The following CUX1 variants were observed in gnomAD, a reference collection of about 807,000 sequenced individuals.
CUX1 encodes cut like homeobox 1, also known as protein CASP.
In CUX1, 31 loss-of-function variants were observed where a neutral mutation model predicts 158.8. That is an observed-to-expected ratio of 0.20 (90% CI 0.15 to 0.26). The LOEUF (loss-of-function observed/expected upper bound fraction) is 0.26, where lower values mean the gene tolerates loss of function less well. CUX1 is among the 10% of genes least tolerant of loss of function. The probability of loss-of-function intolerance (pLI) is 1.00; values close to 1 mark genes in which losing one functional copy is unlikely to be tolerated. For missense variants in CUX1, 1,589 were observed against 2,014.6 expected (o/e 0.79, Z 4.04); for synonymous variants, 879 against 862.1 (o/e 1.02, Z -0.34).
intron 2 of CUX1, among the ~76,000 whole-genome samples, chr7:101,983,562 A>C (rs1470303235): frequency 6.6e-6 from 1 of 152,234 alleles, no homozygotes; most frequent in Non-Finnish European, 1.5e-5. Flanking sequence ...AAAGAGGTTT[A>C]CTTGGCCCAT....
intron 5 of CUX1, among the ~76,000 whole-genome samples, chr7:102,102,861 G>A (rs942798273): frequency 3.9e-5 from 6 of 152,098 alleles, no homozygotes; most frequent in Non-Finnish European, 7.4e-5. Flanking sequence ...CTGGAGGAGG[G>A]CGCACGTGGA....
intron 22 of CUX1, among the ~76,000 whole-genome samples, chr7:102,235,547 C>A (rs758763263): frequency 1.4e-4 from 22 of 151,982 alleles, no homozygotes; most frequent in Non-Finnish European, 2.5e-4. Context: ...CTGAAAAATA[C>A]AAAAATCAGC....
At chr7:101,897,071 C>G (rs1020547682) in intron 1 of CUX1, among the ~76,000 whole-genome samples, 1 of 152,216 alleles carries the variant, frequency 6.6e-6, no homozygotes, top group Non-Finnish European at 1.5e-5. Context: ...CCCATTTACT[C>G]CCTCTTATTA....
At chr7:101,964,074 G>A (rs1012489487) in intron 2 of CUX1, among the ~76,000 whole-genome samples, 2 of 152,070 alleles carry the variant, frequency 1.3e-5, no homozygotes, top group Admixed American at 6.6e-5. Flanking sequence ...AGGCGGTACC[G>A]GGCACAGTGG....
rs540780806 is a variant in CUX1, at chr7:101,838,796, G to A, written c.30+21127G>A. ...CCAGCTTTGGCAACAAAAGTAAAAC[G>A]CTGTCTCAAAAAAAAAAAATCCACC... On this transcript the variant is annotated intron_variant, in intron 1 of 23. Coordinates refer to ENST00000292535, the MANE Select transcript of CUX1 (RefSeq NM_181552.4). Among the ~76,000 whole-genome samples the A allele has an allele frequency of 9.3e-5, 14 of 150,182 alleles. No homozygotes were observed. In the East Asian group the frequency reaches 2.1e-3, roughly 23 times the overall value.
chr7:102,073,576 CAT>C (rs1292605910), intron 4 of CUX1, among the ~76,000 whole-genome samples: 1 of 152,128 alleles, frequency 6.6e-6, no homozygotes, highest in Non-Finnish European at 1.5e-5. Context: ...CACTTTAAAA[CAT>C]TGCTAGGTTT....
In CUX1 at chr7:102,097,262, C is replaced by T. The variant is rs1368805526; in HGVS notation, c.269-102C>T. ...ATGACTGTGGCCTCTGGGGAGCCCCCGGAGCTGATGTCCCAGGAGCCCCAC... is the reference window on the plus strand; with the variant it reads ...ATGACTGTGGCCTCTGGGGAGCCCCTGGAGCTGATGTCCCAGGAGCCCCAC... On this transcript the variant is annotated intron_variant, in intron 4 of 23. Coordinates refer to ENST00000292535, the MANE Select transcript of CUX1 (RefSeq NM_181552.4). The T allele has an allele frequency of 3.1e-5, 44 of 1,400,228 alleles. No homozygotes were observed. The Middle Eastern group carries it at 1.2e-3, about 39-fold the overall frequency. The allele number at this position is 1,400,228 out of a possible 1,614,324, so 86.7% of individuals were successfully genotyped here.
At chr7:102,130,302 C>T (rs1434545602) in intron 8 of CUX1, among the ~76,000 whole-genome samples, 1 of 152,184 alleles carries the variant, frequency 6.6e-6, no homozygotes, top group Non-Finnish European at 1.5e-5. Flanking sequence ...AAGACTGGGG[C>T]ATTCAACATC....
chr7:102,068,458 T>C (rs1021219734), intron 3 of CUX1, among the ~76,000 whole-genome samples: 8 of 151,358 alleles, frequency 5.3e-5, no homozygotes, highest in Non-Finnish European at 8.8e-5. Flanking sequence ...GGGGTGGAAA[T>C]GTGTCTGAGT....
rs538874269 is a variant in CUX1 at position 102,229,514 on chromosome 7, G to A, written c.3433+1845G>A. ...TTTAGTAGAGACAGGGTTTCACCACGTTGGCCAGGATGGTCTCGAACTCCT... is the reference window on the plus strand; with the variant it reads ...TTTAGTAGAGACAGGGTTTCACCACATTGGCCAGGATGGTCTCGAACTCCT... On this transcript the variant is annotated intron_variant, in intron 21 of 23. Coordinates refer to ENST00000292535, the MANE Select transcript of CUX1 (RefSeq NM_181552.4). Among the ~76,000 whole-genome samples the A allele has an allele frequency of 6.0e-5, 9 of 150,754 alleles. No individual in the cohort carries two copies. In the South Asian group the frequency reaches 8.4e-4, roughly 14 times the overall value.
chr7:102,276,992 T>C (rs1245832673), intron 17 of CUX1, among the ~76,000 whole-genome samples: 3 of 152,054 alleles, frequency 2.0e-5, no homozygotes, highest in African/African-American at 7.2e-5. Flanking sequence ...CTAATACCAA[T>C]GACAAAAAAA....
intron 1 of CUX1, among the ~76,000 whole-genome samples, chr7:101,912,381 C>G (rs1463392684): frequency 1.3e-5 from 2 of 152,124 alleles, no homozygotes; most frequent in Non-Finnish European, 2.9e-5. Flanking sequence ...CTCTGGATTC[C>G]AGGCCTCTGC....
In CUX1 at chr7:102,196,979, TACA is replaced by T. The variant is rs1291340010; in HGVS notation, c.1573_1575del (p.Gln525del). 5 of 1,614,046 alleles carry T rather than the reference TACA, an allele frequency of 3.1e-6. No individual in the cohort carries two copies. In the African/African-American group the frequency reaches 6.7e-5, roughly 22 times the overall value. On this transcript the variant is annotated inframe_deletion, in exon 15 of 24. Coordinates refer to ENST00000292535, the MANE Select transcript of CUX1 (RefSeq NM_181552.4). ...AACTCCATATCTTCCCAAAGTCCAT[TACA>T]ACAAAGCCCAGATGTCAATGGCATG...
intron 16 of CUX1, chr7:102,274,397 G>A (rs1791450227): frequency 2.5e-6 from 3 of 1,197,896 alleles, no homozygotes; most frequent in African/African-American, 1.5e-5. Context: ...TCCCCAAAGA[G>A]TAGTCCCTTC....
At chr7:102,125,074 G>A (rs890891508) in intron 8 of CUX1, among the ~76,000 whole-genome samples, 1 of 152,116 alleles carries the variant, frequency 6.6e-6, no homozygotes, top group South Asian at 2.1e-4. Flanking sequence ...GAGCCACCGC[G>A]TCTGGCCCCA....
At chr7:101,900,936 C>G (rs187335119) in intron 1 of CUX1, among the ~76,000 whole-genome samples, 1 of 152,312 alleles carries the variant, frequency 6.6e-6, no homozygotes, top group Non-Finnish European at 1.5e-5. Flanking sequence ...ACTGAAGAAT[C>G]TAACAATGAT....
chr7:102,207,655 T>C (rs1563409735), intron 20 of CUX1, among the ~76,000 whole-genome samples: 1 of 152,098 alleles, frequency 6.6e-6, no homozygotes, highest in Admixed American at 6.5e-5. Flanking sequence ...TTTCAACATG[T>C]TGGCCAGGCC....
At chr7:102,151,462 G>C (rs915404239) in intron 8 of CUX1, among the ~76,000 whole-genome samples, 2 of 152,038 alleles carry the variant, frequency 1.3e-5, no homozygotes, top group African/African-American at 4.8e-5. Context: ...CTGAGGCAGG[G>C]AGAATCGCTT....
In CUX1 at chr7:102,205,098, C is replaced by A; in HGVS notation, c.3074-16C>A. On this transcript the variant is annotated splice_polypyrimidine_tract_variant and intron_variant, in intron 19 of 23. Transcript: ENST00000292535. ...GCCGCGTTCCTTCCTTTAATTATAA[C>A]CTTTTTCTACTTTAGTCCTCCACTC... The A allele has an allele frequency of 6.3e-7, 1 of 1,590,342 alleles. No homozygotes were observed.
Sources: allele counts gnomAD v4.1 joint callset (sites outside exome capture counted in the v4.1 genomes callset), GRCh38; gene constraint gnomAD v4.1.1; transcripts MANE v1.5; gene names NCBI Gene and HGNC (gene_info 2026-07-23, HGNC 2026-07-21).